CROCC2: variants seen among roughly 807,000 people sequenced by gnomAD.
The protein encoded by CROCC2 is ciliary rootlet coiled-coil protein 2.
Under a neutral mutation model 177.6 loss-of-function variants are expected in CROCC2, and 163 were observed. The ratio of observed to expected loss-of-function variants is 0.92; its 90% confidence interval spans 0.81 to 1.05. The LOEUF (loss-of-function observed/expected upper bound fraction) is 1.05. Among genes scored for constraint, CROCC2 ranks in the 50% least tolerant of loss-of-function variants. The pLI, the probability that CROCC2 is intolerant of heterozygous loss-of-function variation, is 0.00. For missense variants in CROCC2, 1,929 were observed against 1,797.8 expected, an observed-to-expected ratio of 1.07 and a Z score of -1.32; for synonymous variants, 904 against 787.3, an observed-to-expected ratio of 1.15 and a Z score of -2.48.
chr2:240,967,572 G>C lies in CROCC2; in HGVS notation c.4267+107G>C. 7.3e-6 allele frequency: 11 copies of C among 1,498,020 alleles called. No individual in the cohort carries two copies. The South Asian group carries it at 1.4e-4, about 19-fold the overall frequency. 92.8% of individuals were successfully genotyped at this position (1,498,020 alleles called of 1,614,324 possible). ...AAGCTTTCAGTCCCTGGGGCAGCTC[G>C]GTGGGAAGGGAGCCTGGGGGCAACA... On this transcript the variant is annotated intron_variant, in intron 26 of 31. Coordinates refer to ENST00000690015, the MANE Select transcript of CROCC2 (RefSeq NM_001351305.2).
Position 240,966,240 on chromosome 2 carries a change from A to G in CROCC2, c.3977A>G (p.Gln1326Arg). Residue 1326 changes from glutamine (Q) to arginine (R), a missense_variant, in exon 25 of 32, where the codon CAG becomes CGG. By Grantham distance (43) the Gln-to-Arg change is conservative. Around this residue, in one of 3 missense-constraint regions of CROCC2, gnomAD observed 388 missense variants for 352.7 expected, o/e 1.10. Coordinates refer to ENST00000690015, the MANE Select transcript of CROCC2 (RefSeq NM_001351305.2). Reference sequence around the variant, plus strand: ...CCTCCCGCAGGCTCCGACAGCTCCCAGGCTCTCCCTGGGCAACAGGGTACC... The same window carrying G: ...CCTCCCGCAGGCTCCGACAGCTCCCGGGCTCTCCCTGGGCAACAGGGTACC... Reference protein sequence around the residue: ...GSPTKGSDSSQALPGQQGTSP... With the variant: ...GSPTKGSDSSRALPGQQGTSP... 1.3e-6 allele frequency: 1 copy of G among 773,582 alleles called. No homozygotes were observed. Among genetic ancestry groups the G allele is most frequent in the Non-Finnish European group, 1.8e-6 (1 of 566,446 alleles). The allele number at this position is 773,582 out of a possible 1,614,324, so 47.9% of individuals were successfully genotyped here. A position where few individuals can be genotyped will look rare whatever the true frequency, so the allele number is the denominator to read the frequency against.
chr2:240,921,019 A>G (rs761908987), intron 3 of CROCC2, among the ~76,000 whole-genome samples: 22 of 152,160 alleles, frequency 1.4e-4, no homozygotes, highest in Non-Finnish European at 2.9e-5. Flanking sequence ...TTTCCAGATA[A>G]GGAGTAGAGG....
chr2:240,966,221 G>C lies in CROCC2; in HGVS notation c.3962-4G>C. The C allele has an allele frequency of 3.2e-6, 3 of 946,634 alleles. No homozygotes were observed. Among genetic ancestry groups the C allele is most frequent in the African/African-American group, 1.7e-5 (1 of 58,406 alleles). The allele number at this position is 946,634 out of a possible 1,614,324, so 58.6% of individuals were successfully genotyped here. On this transcript the variant is annotated splice_polypyrimidine_tract_variant and splice_region_variant and intron_variant, in intron 24 of 31. Transcript: ENST00000690015. ...CACGACCCCTCCGCTGTCACCTCCC[G>C]CAGGCTCCGACAGCTCCCAGGCTCT...
intron 1 of CROCC2, among the ~76,000 whole-genome samples, chr2:240,907,045 A>G (rs1475005269): frequency 6.6e-6 from 1 of 152,044 alleles, no homozygotes; most frequent in Non-Finnish European, 1.5e-5. Context: ...ACGGGTTTGC[A>G]GGCTGCGCAC....
chr2:240,992,715 G>A (rs1042151421), intron 31 of CROCC2, among the ~76,000 whole-genome samples: 6 of 152,248 alleles, frequency 3.9e-5, no homozygotes, highest in African/African-American at 4.8e-5. Flanking sequence ...CCAGTCAGGG[G>A]TGGAGGACAG....
rs1394047081 is a variant in CROCC2, at chr2:240,946,246, G to A, written c.2356G>A (p.Asp786Asn). 1 of 1,529,478 alleles carries A rather than the reference G, an allele frequency of 6.5e-7. No individual in the cohort carries two copies. The highest frequency in any genetic ancestry group is 8.8e-7 in the Non-Finnish European group (1 of 1,130,480). 94.7% of individuals were successfully genotyped at this position (1,529,478 alleles called of 1,614,324 possible). The change falls in exon 15 of 32, where the codon GAT becomes AAT. Residue 786 changes from aspartate (D) to asparagine (N), a missense_variant. This residue lies in a region of CROCC2 where 1,397 missense variants were observed against 1,239.9 expected (regional missense o/e 1.13). Coordinates refer to ENST00000690015, the MANE Select transcript of CROCC2 (RefSeq NM_001351305.2). ...QGRLAAEEAA[D>N]LRVERDSLES... is the part of the protein sequence containing the mutation. ...CCGGCTCGCAGCTGAAGAGGCAGCT[G>A]ATCTCAGGTATGCAAGGGCCTGCCA...
At chr2:240,967,079 C>A (rs892947351) in intron 25 of CROCC2, among the ~76,000 whole-genome samples, 1 of 152,180 alleles carries the variant, frequency 6.6e-6, no homozygotes, top group East Asian at 1.9e-4. Context: ...TCCCACACCA[C>A]ACCTGTGCTT....
intron 3 of CROCC2, 116 bp downstream of exon 3, chr2:240,920,250 G>A (rs943303237): frequency 3.3e-5 from 19 of 583,538 alleles, no homozygotes; most frequent in African/African-American, 9.5e-5. Flanking sequence ...TCTAAGACTC[G>A]GAAAGACAGA....
At chr2:240,926,596 G>A (rs898674401) in intron 5 of CROCC2, among the ~76,000 whole-genome samples, 11 of 152,086 alleles carry the variant, frequency 7.2e-5, no homozygotes, top group Non-Finnish European at 1.0e-4. Context: ...CGGGCCCCCC[G>A]GAAGATGTGC....
At chr2:240,971,204 A>T (rs886259006) in intron 27 of CROCC2, among the ~76,000 whole-genome samples, 1 of 152,138 alleles carries the variant, frequency 6.6e-6, no homozygotes, top group Admixed American at 6.5e-5. Flanking sequence ...AGTGGGTGAG[A>T]CCCACCTGGG....
At chr2:240,984,010 T>C (rs1237580590) in intron 28 of CROCC2, among the ~76,000 whole-genome samples, 1 of 152,110 alleles carries the variant, frequency 6.6e-6, no homozygotes, top group Admixed American at 6.5e-5. Context: ...ACAAGGATAG[T>C]GGCCCCTGAG....
At chr2:240,991,165 C>T (rs1266961040) in intron 30 of CROCC2, 31 bp from the exon 31 acceptor site, 108 of 1,508,790 alleles carry the variant, frequency 7.2e-5, no homozygotes, top group Non-Finnish European at 9.4e-5. Flanking sequence ...GCAGCCTGCC[C>T]ACCTGACCTG....
rs540194060 is a variant in CROCC2 at position 240,906,415 on chromosome 2, G to GT, written c.-98dup. On this transcript the variant is annotated 5_prime_UTR_variant, in exon 1 of 32. Transcript: ENST00000690015. ...GACTGCAGAGCCAGGTGCCACACAG[G>GT]TGTGGGGCCCGTGGACCAAGGAAGA... 1.1e-3 allele frequency: 431 copies of GT among 398,678 alleles called. No individual in the cohort carries two copies. The highest frequency in any genetic ancestry group is 7.9e-3 in the African/African-American group (383 of 48,766). 24.7% of individuals were successfully genotyped at this position (398,678 alleles called of 1,614,324 possible).
rs1423701825 is a variant in CROCC2, at chr2:240,964,009, T to C, written c.3305+236T>C. On this transcript the variant is annotated intron_variant, in intron 21 of 31. Coordinates refer to ENST00000690015, the MANE Select transcript of CROCC2 (RefSeq NM_001351305.2). ...CACACCTGTCCCTGCCCACAGGGAG[T>C]TCCCATCCAGCAGGCAAGATAGGTC... 6 of 588,200 alleles carry C rather than the reference T, an allele frequency of 1.0e-5. No individual in the cohort carries two copies. In the African/African-American group the frequency reaches 1.1e-4, roughly 11 times the overall value. The allele number at this position is 588,200 out of a possible 1,614,324, so 36.4% of individuals were successfully genotyped here. A position where few individuals can be genotyped will look rare whatever the true frequency, so the allele number is the denominator to read the frequency against.
rs1322857300 is a variant in CROCC2, at chr2:240,968,192, C to T, written c.4331C>T (p.Ala1444Val). The change falls in exon 27 of 32, where the codon GCG becomes GTG. Residue 1444 changes from alanine to valine, a missense_variant. By Grantham distance (64) the Ala-to-Val change is moderately conservative. Coordinates refer to ENST00000690015, the MANE Select transcript of CROCC2 (RefSeq NM_001351305.2). ...GCAGCACGTGCCCTGCAGAAGGAGG[C>T]GCTCCGCAGGCTGGAGTTGGAGCAC... ...ARAARALQKEALRRLELEHLA... is the reference protein window; with the variant it reads ...ARAARALQKEVLRRLELEHLA... 4.4e-5 allele frequency: 68 copies of T among 1,532,542 alleles called. No individual in the cohort carries two copies. Among genetic ancestry groups the T allele is most frequent in the Non-Finnish European group, 5.3e-5 (61 of 1,144,968 alleles). 94.9% of individuals were successfully genotyped at this position (1,532,542 alleles called of 1,614,324 possible). A position where few individuals can be genotyped will look rare whatever the true frequency, so the allele number is the denominator to read the frequency against.
chr2:240,949,065 G>A lies in CROCC2; in HGVS notation c.2450G>A (p.Arg817Gln), dbSNP rs1340441555. 1.4e-5 allele frequency: 21 copies of A among 1,548,196 alleles called. No homozygotes were observed. Among genetic ancestry groups the A allele is most frequent in the Admixed American group, 3.9e-5 (2 of 50,700 alleles). ...CAGGAGCAGCTGGAGGAGGAAGCCCGGAGCGCAGGACTCGCGCGGCAGGCC... is the reference window on the plus strand; with the variant it reads ...CAGGAGCAGCTGGAGGAGGAAGCCCAGAGCGCAGGACTCGCGCGGCAGGCC... ...KLQEQLEEEA[R>Q]SAGLARQALQ... Residue 817 changes from arginine to glutamine, a missense_variant, in exon 16 of 32, where the codon CGG (arginine) becomes CAG (glutamine). Arg to Gln is a conservative substitution (Grantham distance 43, BLOSUM62 1). Transcript: ENST00000690015. This position sits in a 1 kb window ranked among gnomAD's most constrained non-coding sequence, Gnocchi z 4.5.
chr2:240,923,072 C>G (rs77834814), intron 4 of CROCC2, among the ~76,000 whole-genome samples: 1 of 152,070 alleles, frequency 6.6e-6, no homozygotes. Flanking sequence ...ACCCCTCCCC[C>G]GCTCCACAGG....
Position 240,974,078 on chromosome 2 carries a change from G to A in CROCC2, c.4401+5816G>A, listed in dbSNP as rs546802765. ...TACGTTGCCAAAGACCTGCACATAC[G>A]TCTGCTTAGCATCATCTTCGTTATA... On this transcript the variant is annotated intron_variant, in intron 27 of 31. Transcript: ENST00000690015. Among the ~76,000 whole-genome samples, 26 of 152,220 alleles carry A rather than the reference G, an allele frequency of 1.7e-4. No homozygotes were observed. In the South Asian group the frequency reaches 4.4e-3, roughly 26 times the overall value.
In CROCC2 at chr2:240,966,262, T is replaced by A. The variant is rs1485702191; in HGVS notation, c.3999T>A (p.Gly1333=). ...DSSQALPGQQ[G]TSPPARPHSP... is the part of the protein sequence containing the mutation. The stretch of plus-strand genomic sequence containing the variant: ...CCCAGGCTCTCCCTGGGCAACAGGG[T>A]ACCAGCCCCCCAGCCAGGCCCCACT... Residue 1333 remains glycine (G), a synonymous_variant, in exon 25 of 32, where the codon GGT becomes GGA. Transcript: ENST00000690015. The A allele has an allele frequency of 3.3e-6, 2 of 598,074 alleles. No individual in the cohort carries two copies. Among genetic ancestry groups the A allele is most frequent in the Admixed American group, 4.3e-5 (1 of 23,332 alleles). The allele number at this position is 598,074 out of a possible 1,614,324, so 37.0% of individuals were successfully genotyped here. A position where few individuals can be genotyped will look rare whatever the true frequency, so the allele number is the denominator to read the frequency against.
Sources: allele counts gnomAD v4.1 joint callset (sites outside exome capture counted in the v4.1 genomes callset), GRCh38; gene constraint gnomAD v4.1.1; regional missense constraint gnomAD v4.1.1; non-coding constraint Gnocchi (gnomAD v3.1); transcripts MANE v1.5; gene names NCBI Gene and HGNC (gene_info 2026-07-23, HGNC 2026-07-21).